ARHGAP17: variants seen among roughly 807,000 people sequenced by gnomAD.
ARHGAP17 encodes the protein Rho GTPase activating protein 17.
Under a neutral mutation model 99.5 loss-of-function variants are expected in ARHGAP17, and 57 were observed. The observed-to-expected ratio is 0.57, with a 90% confidence interval of 0.46 to 0.71. The LOEUF is 0.71. Ranked by LOEUF, ARHGAP17 falls within the 30% of genes least tolerant of loss-of-function variation. The probability of loss-of-function intolerance (pLI) is 0.00; values close to 1 mark genes in which losing one functional copy is unlikely to be tolerated. For synonymous variants in ARHGAP17, 417 were observed against 429.6 expected (o/e 0.97, Z 0.36); for missense variants, 1,000 against 1,122.4 (o/e 0.89, Z 1.56).
chr16:24,975,447 A>G (rs1215212347), intron 3 of ARHGAP17, among the ~76,000 whole-genome samples: 2 of 152,200 alleles, frequency 1.3e-5, no homozygotes, highest in South Asian at 2.1e-4. Context: ...GAGCAGAAGA[A>G]GGCAACAGAA....
chr16:24,958,215 C>G (rs1467269927), intron 9 of ARHGAP17, among the ~76,000 whole-genome samples: 32 of 149,382 alleles, frequency 2.1e-4, no homozygotes, highest in Non-Finnish European at 8.8e-5. Flanking sequence ...GCCTGGGCAA[C>G]AGAGTGAGAC....
At chr16:24,931,535 C>A in intron 18 of ARHGAP17, 131 bp from the exon 19 acceptor site, 1 of 868,800 alleles carries the variant, frequency 1.2e-6, no homozygotes, top group Non-Finnish European at 1.6e-6. Context: ...GAGAGGTGGT[C>A]AGGAGGGCAC....
chr16:24,937,075 C>T (rs1479662244), intron 17 of ARHGAP17, among the ~76,000 whole-genome samples: 1 of 150,950 alleles, frequency 6.6e-6, no homozygotes, highest in Non-Finnish European at 1.5e-5. Context: ...CATGATCACA[C>T]CACTGCCCTC....
chr16:25,007,692 A>G (rs1258310562), intron 1 of ARHGAP17, among the ~76,000 whole-genome samples: 1 of 152,244 alleles, frequency 6.6e-6, no homozygotes, highest in Non-Finnish European at 1.5e-5. Context: ...TACCACAAGC[A>G]TTAGTCTCTA....
intron 17 of ARHGAP17, among the ~76,000 whole-genome samples, chr16:24,938,361 C>CA (rs372920876): frequency 0.013 from 1,777 of 142,066 alleles, 32 homozygotes; most frequent in African/African-American, 0.04. Flanking sequence ...GGGACTGTCT[C>CA]AAAAAAAAAA....
chr16:24,984,413 T>C (rs2052794435), intron 1 of ARHGAP17, among the ~76,000 whole-genome samples: 1 of 152,044 alleles, frequency 6.6e-6, no homozygotes, highest in Non-Finnish European at 1.5e-5. Flanking sequence ...ACGCCTGTAA[T>C]CCCAGCAGTT....
rs2052103046 is a variant in ARHGAP17 at position 24,964,264 on chromosome 16, AGCCCCT to A, written c.500_505del (p.Gln167_Gly168del). 1 of 1,613,886 alleles carries A rather than the reference AGCCCCT, an allele frequency of 6.2e-7. No homozygotes were observed. On this transcript the variant is annotated inframe_deletion, in exon 7 of 20. Coordinates refer to ENST00000289968, the MANE Select transcript of ARHGAP17 (RefSeq NM_001006634.3). ...CTTTAGAGTATCTATTTTTGATGGA[AGCCCCT>A]GAAAGTTGGTTCCTGAGGATTTGTG...
chr16:24,966,920 T>C (rs536013434), intron 6 of ARHGAP17, among the ~76,000 whole-genome samples: 1 of 152,252 alleles, frequency 6.6e-6, no homozygotes, highest in South Asian at 2.1e-4. Flanking sequence ...CTCTCAAAAG[T>C]AGGGAATGTT....
intron 1 of ARHGAP17, among the ~76,000 whole-genome samples, chr16:25,002,983 G>C (rs1305408532): frequency 7.5e-6 from 1 of 133,966 alleles, no homozygotes; most frequent in Admixed American, 8.4e-5. Context: ...AGGTTGCAGT[G>C]AGCCGAGATT....
intron 19 of ARHGAP17, chr16:24,929,473 C>T (rs2050924962): frequency 5.1e-6 from 2 of 394,018 alleles, no homozygotes; most frequent in South Asian, 1.1e-4. Context: ...GAATGGATGG[C>T]CTATTGGCTG....
At chr16:24,948,117 T>C (rs1195798066) in intron 13 of ARHGAP17, among the ~76,000 whole-genome samples, 1 of 152,060 alleles carries the variant, frequency 6.6e-6, no homozygotes, top group African/African-American at 2.4e-5. Context: ...TCACAGTATA[T>C]CCATACAGTG....
chr16:25,008,519 T>G (rs2053563270), intron 1 of ARHGAP17, among the ~76,000 whole-genome samples: 1 of 152,126 alleles, frequency 6.6e-6, no homozygotes, highest in Admixed American at 6.5e-5. Flanking sequence ...CAGATGAGAG[T>G]TTAACATTTT....
Position 24,955,005 on chromosome 16 carries a change from G to A in ARHGAP17, c.725-275C>T. On this transcript the variant is annotated intron_variant, in intron 9 of 19. Transcript: ENST00000289968. This position sits in a 1 kb window ranked among gnomAD's most constrained non-coding sequence, Gnocchi z 4.0. Reference sequence around the variant, plus strand: ...GAAGCTGCAGTGGCACGCTGCACCTGCACCACACTTCATCAACACACGCCA... The same window carrying A: ...GAAGCTGCAGTGGCACGCTGCACCTACACCACACTTCATCAACACACGCCA... 1 of 398,554 alleles carries A rather than the reference G, an allele frequency of 2.5e-6. No individual in the cohort carries two copies. The highest frequency in any genetic ancestry group is 4.5e-6 in the Non-Finnish European group (1 of 222,016). The allele number at this position is 398,554 out of a possible 1,614,324, so 24.7% of individuals were successfully genotyped here. A position where few individuals can be genotyped will look rare whatever the true frequency, so the allele number is the denominator to read the frequency against.
intron 3 of ARHGAP17, among the ~76,000 whole-genome samples, chr16:24,970,799 C>T (rs2052339939): frequency 6.6e-6 from 1 of 152,118 alleles, no homozygotes; most frequent in Non-Finnish European, 1.5e-5. Context: ...ATATCAAGTA[C>T]CTAACACATT....
In ARHGAP17 at chr16:24,949,486, T is replaced by C; in HGVS notation, c.1047-2A>G. 6.2e-7 allele frequency: 1 copy of C among 1,612,062 alleles called. No individual in the cohort carries two copies. The highest frequency in any genetic ancestry group is 8.5e-7 in the Non-Finnish European group (1 of 1,179,516). On this transcript the variant is annotated splice_acceptor_variant, in intron 12 of 19. Coordinates refer to ENST00000289968, the MANE Select transcript of ARHGAP17 (RefSeq NM_001006634.3). LOFTEE classifies it high-confidence loss of function. Reference sequence around the variant, plus strand: ...AGTTTTTTGTCTTGATCCTGCACACTGAGAACAAAAACTTTTAAGTACAAC... The same window carrying C: ...AGTTTTTTGTCTTGATCCTGCACACCGAGAACAAAAACTTTTAAGTACAAC...
intron 9 of ARHGAP17, 83 bp downstream of exon 9, chr16:24,959,588 G>A (rs2051920148): frequency 1.5e-6 from 2 of 1,334,258 alleles, no homozygotes; most frequent in Non-Finnish European, 2.1e-6. Flanking sequence ...GGACGTGCAT[G>A]CAGAGGAGTC....
intron 15 of ARHGAP17, among the ~76,000 whole-genome samples, chr16:24,942,456 T>C (rs2051340786): frequency 6.6e-6 from 1 of 152,168 alleles, no homozygotes; most frequent in African/African-American, 2.4e-5. Context: ...CACAGATCAC[T>C]TATTTGAATC....
intron 12 of ARHGAP17, 105 bp from the exon 13 acceptor site, chr16:24,949,589 T>G (rs1421514399): frequency 1.1e-6 from 1 of 897,346 alleles, no homozygotes. Context: ...GAAAGCACAG[T>G]TGGAAAACAG....
At position 24,939,729 on chromosome 16, in the gene ARHGAP17, A is replaced by G. The variant is rs1252076913; in HGVS notation, c.1491-132T>C. The G allele has an allele frequency of 2.0e-5, 19 of 966,992 alleles. No individual in the cohort carries two copies. The South Asian group carries it at 2.5e-4, about 13-fold the overall frequency. The allele number at this position is 966,992 out of a possible 1,614,324, so 59.9% of individuals were successfully genotyped here. A position where few individuals can be genotyped will look rare whatever the true frequency, so the allele number is the denominator to read the frequency against. ...CTGCCCGGCATGCAGTGAAGCGGCA[A>G]GGACCAGACTAATGGCCACCCCTGA... On this transcript the variant is annotated intron_variant, in intron 16 of 19. Coordinates refer to ENST00000289968, the MANE Select transcript of ARHGAP17 (RefSeq NM_001006634.3).
Sources: allele counts gnomAD v4.1 joint callset (sites outside exome capture counted in the v4.1 genomes callset), GRCh38; gene constraint gnomAD v4.1.1; non-coding constraint Gnocchi (gnomAD v3.1); transcripts MANE v1.5; gene names NCBI Gene and HGNC (gene_info 2026-07-23, HGNC 2026-07-21).